CA10: variants seen among roughly 807,000 people sequenced by gnomAD.
The protein encoded by CA10 is carbonic anhydrase 10 (inactive), also known as carbonic anhydrase-related protein 10.
CA10 carries 14 observed loss-of-function variants against 44.2 expected under a neutral mutation model. The observed-to-expected ratio is 0.32, with a 90% CI of 0.21 to 0.50. The LOEUF (loss-of-function observed/expected upper bound fraction) is 0.50, where lower values mean the gene tolerates loss of function less well. Ranked by LOEUF, CA10 falls within the 20% of genes least tolerant of loss-of-function variation. CA10 has a pLI of 0.99. For synonymous variants in CA10, 159 were observed against 141.6 expected, an observed-to-expected ratio of 1.12 and a Z score of -0.87; for missense variants, 350 against 409.7, an observed-to-expected ratio of 0.85 and a Z score of 1.26.
intron 3 of CA10, among the ~76,000 whole-genome samples, chr17:51,792,793 A>G (rs1906570577): frequency 6.6e-6 from 1 of 152,250 alleles, no homozygotes; most frequent in South Asian, 2.1e-4. Flanking sequence ...TGACAACTAT[A>G]TAGCAATAGA....
chr17:51,669,671 T>C (rs1443229224), intron 4 of CA10, among the ~76,000 whole-genome samples: 2 of 151,970 alleles, frequency 1.3e-5, no homozygotes, highest in African/African-American at 4.8e-5. Context: ...GCACCACCTT[T>C]AAGAACTGTA....
At chr17:51,999,230 T>C (rs1985340035) in intron 2 of CA10, among the ~76,000 whole-genome samples, 1 of 151,974 alleles carries the variant, frequency 6.6e-6, no homozygotes, top group Non-Finnish European at 1.5e-5. Flanking sequence ...TCTTCTAGTT[T>C]ATGGAGTAGG....
chr17:52,010,831 T>C (rs966364358), intron 2 of CA10, among the ~76,000 whole-genome samples: 2 of 151,916 alleles, frequency 1.3e-5, no homozygotes, highest in African/African-American at 4.8e-5. Flanking sequence ...TCAGAAAAGC[T>C]GATGTAATCC....
intron 1 of CA10, among the ~76,000 whole-genome samples, chr17:52,121,268 A>C (rs1567739961): frequency 2.0e-5 from 3 of 152,136 alleles, no homozygotes; most frequent in Admixed American, 6.5e-5. Flanking sequence ...TCTCTGCCTC[A>C]TCTCTGGTTA....
intron 1 of CA10, among the ~76,000 whole-genome samples, chr17:52,098,047 C>T (rs916518422): frequency 6.6e-6 from 1 of 152,224 alleles, no homozygotes; most frequent in African/African-American, 2.4e-5. Flanking sequence ...ACACCAGGAC[C>T]TTATGCCTGT....
chr17:52,105,744 T>C (rs1988647929), intron 1 of CA10, among the ~76,000 whole-genome samples: 1 of 152,254 alleles, frequency 6.6e-6, no homozygotes, highest in African/African-American at 2.4e-5. Context: ...AAAGCATTTA[T>C]TGAGCCCTTC....
Position 51,631,619 on chromosome 17 carries a change from A to G in CA10, c.965-13T>C. On this transcript the variant is annotated splice_polypyrimidine_tract_variant and intron_variant, in intron 8 of 8. Transcript: ENST00000451037. ...AGCCATTCATTTACTGCAAAGAGAGAGAAAGAAAAAAAAAATCACACATAC... is the reference window on the plus strand; with the variant it reads ...AGCCATTCATTTACTGCAAAGAGAGGGAAAGAAAAAAAAAATCACACATAC... 2 of 1,608,758 alleles carry G rather than the reference A, an allele frequency of 1.2e-6. No individual in the cohort carries two copies. Among genetic ancestry groups the G allele is most frequent in the Non-Finnish European group, 1.7e-6 (2 of 1,176,210 alleles).
chr17:51,925,083 CTTATTATGT>C (rs1269965245), intron 3 of CA10, among the ~76,000 whole-genome samples: 1 of 152,018 alleles, frequency 6.6e-6, no homozygotes. Flanking sequence ...AAGATGGGGT[CTTATTATGT>C]TGCTCAGGCT....
chr17:51,744,360 A>C (rs1173701257), intron 4 of CA10, among the ~76,000 whole-genome samples: 2 of 152,022 alleles, frequency 1.3e-5, no homozygotes, highest in Non-Finnish European at 2.9e-5. Flanking sequence ...TCAGCATCAG[A>C]AGATACATTA....
chr17:51,909,974 G>A (rs1321425620), intron 3 of CA10, among the ~76,000 whole-genome samples: 1 of 152,086 alleles, frequency 6.6e-6, no homozygotes, highest in East Asian at 1.9e-4. Flanking sequence ...TTATAGACAT[G>A]TAATAAAATG....
chr17:52,041,100 G>A lies in CA10; in HGVS notation c.136+31219C>T, dbSNP rs537588008. 1.1e-3 allele frequency among the ~76,000 whole-genome samples: 169 copies of A among 152,110 alleles called. 1 individual carries two copies. The Middle Eastern group carries it at 0.048, about 43-fold the overall frequency. The stretch of plus-strand genomic sequence containing the variant: ...TCTGGAACTACCCTAATGAAGCAAA[G>A]CTTCCAAGCCTACAAGAGATTCCAA... On this transcript the variant is annotated intron_variant, in intron 2 of 8. Coordinates refer to ENST00000451037, the MANE Select transcript of CA10 (RefSeq NM_020178.5).
At chr17:51,834,059 G>T (rs1908384656) in intron 3 of CA10, among the ~76,000 whole-genome samples, 1 of 152,056 alleles carries the variant, frequency 6.6e-6, no homozygotes, top group South Asian at 2.1e-4. Flanking sequence ...CTGTCTTTTT[G>T]CAATGGCCAA....
At chr17:52,147,860 T>C (rs918727387) in intron 1 of CA10, among the ~76,000 whole-genome samples, 11 of 152,200 alleles carry the variant, frequency 7.2e-5, no homozygotes. Flanking sequence ...CCCCTTTTTT[T>C]TCTATAACCC....
intron 2 of CA10, among the ~76,000 whole-genome samples, chr17:52,010,620 G>A (rs1985757879): frequency 1.3e-5 from 2 of 151,832 alleles, no homozygotes; most frequent in South Asian, 4.2e-4. Flanking sequence ...GGGACTGGGG[G>A]AAAATGTGGG....
chr17:52,045,334 T>C (rs1326842711), intron 2 of CA10, among the ~76,000 whole-genome samples: 1 of 151,736 alleles, frequency 6.6e-6, no homozygotes, highest in Non-Finnish European at 1.5e-5. Context: ...TAAAATCGTA[T>C]AGAAAATGAT....
At chr17:52,080,248 A>G (rs916752763) in intron 1 of CA10, among the ~76,000 whole-genome samples, 1 of 152,060 alleles carries the variant, frequency 6.6e-6, no homozygotes, top group African/African-American at 2.4e-5. Flanking sequence ...GTCAGGGGAT[A>G]GAGACCATCC....
intron 3 of CA10, among the ~76,000 whole-genome samples, chr17:51,826,592 T>C (rs968742324): frequency 1.3e-5 from 2 of 152,078 alleles, no homozygotes; most frequent in Non-Finnish European, 2.9e-5. Flanking sequence ...TGTGTGGACA[T>C]TCAGAGTTAC....
In CA10 at chr17:51,633,502, T is replaced by C; in HGVS notation, c.938A>G (p.Asn313Ser). The C allele has an allele frequency of 1.2e-6, 2 of 1,613,640 alleles. No homozygotes were observed. The highest frequency in any genetic ancestry group is 1.7e-6 in the Non-Finnish European group (2 of 1,179,756). Reference sequence around the variant, plus strand: ...TCTATACTGAAGCTTCTGGGCTCGGTTGTTTGGACAGTCCTTCCCCTGTAA... The same window carrying C: ...TCTATACTGAAGCTTCTGGGCTCGGCTGTTTGGACAGTCCTTCCCCTGTAA... ...FSLQGKDCPNNRAQKLQYRVN... is the reference protein window; with the variant it reads ...FSLQGKDCPNSRAQKLQYRVN... The change falls in exon 8 of 9, where the codon AAC becomes AGC. Residue 313 changes from asparagine (N) to serine (S), a missense_variant. Physicochemically the swap from Asn to Ser is conservative, Grantham distance 46 (BLOSUM62 1). Coordinates refer to ENST00000451037, the MANE Select transcript of CA10 (RefSeq NM_020178.5).
At chr17:51,880,868 A>G (rs1287269845) in intron 3 of CA10, among the ~76,000 whole-genome samples, 2 of 152,190 alleles carry the variant, frequency 1.3e-5, no homozygotes, top group South Asian at 2.1e-4. Flanking sequence ...ATTTCTACAA[A>G]TATATGTAGA....
Sources: gnomAD v4.1 joint callset for allele counts (sites outside exome capture counted in the v4.1 genomes callset) on GRCh38, gnomAD v4.1.1 for gene constraint, MANE v1.5 for transcripts, NCBI Gene and HGNC (gene_info 2026-07-23, HGNC 2026-07-21) for gene names.